The following FRMPD4 variants were observed in gnomAD, a reference collection of about 807,000 sequenced individuals.
The protein encoded by FRMPD4 is FERM and PDZ domain-containing protein 4.
Under a neutral mutation model 94.1 loss-of-function variants are expected in FRMPD4, and 22 were observed. The ratio of observed to expected loss-of-function variants is 0.23; its 90% CI spans 0.17 to 0.33. The LOEUF (loss-of-function observed/expected upper bound fraction) is 0.33, where lower values mean the gene tolerates loss of function less well. Among genes scored for constraint, FRMPD4 ranks in the 10% least tolerant of loss-of-function variants. The pLI is 1.00. For missense variants in FRMPD4, 1,111 were observed against 1,339.9 expected (o/e 0.83, Z 2.67); for synonymous variants, 631 against 548.6 (o/e 1.15, Z -2.10).
chrX:12,567,197 T>C (rs185354420), intron 2 of FRMPD4, among the ~76,000 whole-genome samples: 1 of 112,242 alleles, frequency 8.9e-6, no homozygotes, highest in East Asian at 2.8e-4. Context: ...AAATACCTGC[T>C]GTATTCCTAC....
At chrX:12,555,690 C>T (rs776445195) in intron 2 of FRMPD4, among the ~76,000 whole-genome samples, 15 of 111,632 alleles carry the variant, frequency 1.3e-4, no homozygotes, top group Admixed American at 1.2e-3. Flanking sequence ...CTACAAAATA[C>T]TCAAAAGCTG....
At chrX:12,583,341 G>A in intron 2 of FRMPD4, 1 of 559,575 alleles carries the variant, frequency 1.8e-6, no homozygotes, top group Non-Finnish European at 2.9e-6. Flanking sequence ...GTCTTTTGGG[G>A]GAAAGGGATG....
intron 1 of FRMPD4, among the ~76,000 whole-genome samples, chrX:12,361,573 G>C (rs1165418815): frequency 8.9e-6 from 1 of 112,492 alleles, no homozygotes; most frequent in East Asian, 2.8e-4. Context: ...GAAAAAGTTA[G>C]ATGCAACTTG....
intron 1 of FRMPD4, among the ~76,000 whole-genome samples, chrX:11,844,805 TTCTC>T (rs1309835698): frequency 1.8e-5 from 2 of 112,213 alleles, no homozygotes; most frequent in Non-Finnish European, 3.8e-5. Flanking sequence ...ATTTGTTCCT[TTCTC>T]TCTTTGATGA....
rs751821875 is a variant in FRMPD4 at position 12,138,672 on chromosome X, G to C, written c.-300G>C. 7 of 297,977 alleles carry C rather than the reference G, an allele frequency of 2.3e-5. No homozygotes were observed. Among genetic ancestry groups the C allele is most frequent in the Non-Finnish European group, 4.1e-5 (7 of 171,767 alleles). 24.6% of individuals were successfully genotyped at this position (297,977 alleles called of 1,213,427 possible). A position where few individuals can be genotyped will look rare whatever the true frequency, so the allele number is the denominator to read the frequency against. Reference sequence around the variant, plus strand: ...GCGCACGGGGCGGGGCGCGAGACCCGGGCCGCGCTCCCCGCCCCCGCCTCT... The same window carrying C: ...GCGCACGGGGCGGGGCGCGAGACCCCGGCCGCGCTCCCCGCCCCCGCCTCT... On this transcript the variant is annotated 5_prime_UTR_variant, in exon 1 of 17. Transcript: ENST00000675598.
intron 2 of FRMPD4, among the ~76,000 whole-genome samples, chrX:12,544,521 G>A (rs1254387295): frequency 8.9e-6 from 1 of 111,881 alleles, no homozygotes; most frequent in Non-Finnish European, 1.9e-5. Flanking sequence ...GCTTCCCAGA[G>A]TTGAAAGCTA....
At chrX:12,155,729 AT>A (rs2055926328) in intron 1 of FRMPD4, among the ~76,000 whole-genome samples, 1 of 111,028 alleles carries the variant, frequency 9.0e-6, no homozygotes, top group Non-Finnish European at 1.9e-5. Context: ...ATTGTCCAGA[AT>A]TGCACCATGT....
chrX:12,534,370 G>GC (rs1408246157), intron 2 of FRMPD4, among the ~76,000 whole-genome samples: 6 of 112,220 alleles, frequency 5.3e-5, no homozygotes, highest in East Asian at 5.6e-4. Flanking sequence ...TGGGATTGGA[G>GC]CCCCCCCACA....
intron 2 of FRMPD4, among the ~76,000 whole-genome samples, chrX:12,604,249 G>T (rs2059110154): frequency 9.0e-6 from 1 of 111,539 alleles, no homozygotes; most frequent in Non-Finnish European, 1.9e-5. Context: ...CATCATCAGT[G>T]CTTCTTATTT....
At chrX:12,151,165 T>TC (rs2055845109) in intron 1 of FRMPD4, among the ~76,000 whole-genome samples, 1 of 111,736 alleles carries the variant, frequency 8.9e-6, no homozygotes, top group Non-Finnish European at 1.9e-5. Context: ...TAGAAAGATC[T>TC]CTGAATACGT....
At chrX:11,985,555 G>A (rs1174936669) in intron 3 of FRMPD4, among the ~76,000 whole-genome samples, 1 of 112,048 alleles carries the variant, frequency 8.9e-6, no homozygotes, top group Non-Finnish European at 1.9e-5. Flanking sequence ...TGTAACATAG[G>A]TACCAGGCGC....
chrX:12,418,666 C>A (rs1291590124), intron 1 of FRMPD4, among the ~76,000 whole-genome samples: 1 of 110,020 alleles, frequency 9.1e-6, no homozygotes, highest in African/African-American at 3.3e-5. Context: ...CCACATCCAT[C>A]AGTATTTCTA....
chrX:12,437,049 TTTAA>T (rs1399468121), intron 1 of FRMPD4, among the ~76,000 whole-genome samples: 1 of 112,317 alleles, frequency 8.9e-6, no homozygotes, highest in African/African-American at 3.2e-5. Flanking sequence ...ATCTTCTCTT[TTTAA>T]TTTTTAGGTT....
intron 1 of FRMPD4, among the ~76,000 whole-genome samples, chrX:12,342,689 T>G (rs1200154810): frequency 8.9e-6 from 1 of 112,291 alleles, no homozygotes; most frequent in African/African-American, 3.2e-5. Context: ...GACATGTGTA[T>G]GACATAATGT....
intron 3 of FRMPD4, among the ~76,000 whole-genome samples, chrX:12,082,844 T>C (rs1379678017): frequency 9.0e-6 from 1 of 111,670 alleles, no homozygotes; most frequent in African/African-American, 3.3e-5. Flanking sequence ...GGTGGAACTT[T>C]GAAATTGAGA....
intron 2 of FRMPD4, among the ~76,000 whole-genome samples, chrX:12,558,440 G>A (rs5979652): frequency 0.044 from 4,941 of 112,778 alleles, 163 homozygotes; most frequent in African/African-American, 0.11. Flanking sequence ...GCAAAAGAAA[G>A]TAATGCATAT....
intron 1 of FRMPD4, 115 bp downstream of exon 1, chrX:12,139,127 G>T: frequency 1.8e-6 from 1 of 553,971 alleles, no homozygotes; most frequent in Non-Finnish European, 2.7e-6. Flanking sequence ...CGGGGCTTAA[G>T]ACAAACGAAG....
intron 1 of FRMPD4, among the ~76,000 whole-genome samples, chrX:11,843,640 C>T (rs2053553954): frequency 9.0e-6 from 1 of 110,800 alleles, no homozygotes; most frequent in African/African-American, 3.3e-5. Flanking sequence ...TCGCTGTAAC[C>T]TTGACCTCCT....
intron 4 of FRMPD4, among the ~76,000 whole-genome samples, chrX:12,616,027 T>C (rs774690481): frequency 8.2e-5 from 9 of 110,235 alleles, no homozygotes; most frequent in Non-Finnish European, 1.7e-4. Flanking sequence ...CACTTAAGAG[T>C]AAGCAACCAT....
Sources: gnomAD v4.1 joint callset for allele counts (sites outside exome capture counted in the v4.1 genomes callset) on GRCh38, gnomAD v4.1.1 for gene constraint, MANE v1.5 for transcripts, NCBI Gene and HGNC (gene_info 2026-07-23, HGNC 2026-07-21) for gene names.